Variants in DNAH8 observed in about 807,000 individuals in gnomAD.
DNAH8 encodes dynein axonemal heavy chain 8.
DNAH8 carries 382 observed loss-of-function variants against 562.1 expected under a neutral mutation model. The observed-to-expected ratio is 0.68, with a 90% CI of 0.63 to 0.74. DNAH8 has a LOEUF of 0.74. Among genes scored for constraint, DNAH8 ranks in the 30% least tolerant of loss-of-function variants. The pLI, the probability that DNAH8 is intolerant of heterozygous loss-of-function variation, is 0.00. For missense variants in DNAH8, 5,203 were observed against 5,620.4 expected, an observed-to-expected ratio of 0.93 and a Z score of 2.37; for synonymous variants, 1,881 against 1,919.4, an observed-to-expected ratio of 0.98 and a Z score of 0.52.
In DNAH8 at chr6:38,951,802, C is replaced by T. The variant is rs375249299; in HGVS notation, c.12451+282C>T. ...ATAGCTGTATTGCATGGATAGCTGA[C>T]TAACAAGAATGAACACACAATAGCC... On this transcript the variant is annotated intron_variant, in intron 82 of 92. Transcript: ENST00000327475. 1.1e-4 allele frequency among the ~76,000 whole-genome samples: 17 copies of T among 151,928 alleles called. No individual in the cohort carries two copies. The East Asian group carries it at 3.1e-3, about 28-fold the overall frequency.
At position 38,863,924 on chromosome 6, in the gene DNAH8, A is replaced by G. The variant is rs1377053927; in HGVS notation, c.6362A>G (p.Glu2121Gly). 2 of 1,611,874 alleles carry G rather than the reference A, an allele frequency of 1.2e-6. No homozygotes were observed. Among genetic ancestry groups the G allele is most frequent in the East Asian group, 2.2e-5 (1 of 44,856 alleles). Residue 2121 changes from glutamate (E) to glycine (G), a missense_variant, in exon 45 of 93, where the codon GAA (glutamate) becomes GGA (glycine). Physicochemically the swap from Glu to Gly is moderately conservative, Grantham distance 98 (BLOSUM62 -2). Around this residue, in one of 6 missense-constraint regions of DNAH8, gnomAD observed 2,176 missense variants for 2,365.1 expected, o/e 0.92. Coordinates refer to ENST00000327475, the MANE Select transcript of DNAH8 (RefSeq NM_001206927.2). ...TGTTTTGATGAGTTTAACAGAATTG[A>G]ATTGCCTGTATTATCAGTGGCAGCA... ...WGCFDEFNRI[E>G]LPVLSVAAQQ...
intron 65 of DNAH8, 51 bp from the exon 66 acceptor site, chr6:38,911,417 A>G: frequency 1.5e-6 from 2 of 1,310,184 alleles, no homozygotes; most frequent in Non-Finnish European, 2.2e-6. Context: ...GTGTCGTTTT[A>G]TGGGAGTACG....
chr6:38,795,307 C>T (rs557715817), intron 21 of DNAH8, among the ~76,000 whole-genome samples: 26 of 152,232 alleles, frequency 1.7e-4, no homozygotes, highest in Admixed American at 1.2e-3. Context: ...TTGCTGGGCA[C>T]GGTGGCTCAC....
chr6:38,963,253 CTTTTTTTTTTTTTTTTTT>C lies in DNAH8; in HGVS notation c.12452-8329_12452-8312del, dbSNP rs57083753. Among the ~76,000 whole-genome samples the C allele has an allele frequency of 1.1e-4, 11 of 102,616 alleles. 1 individual carries two copies. The highest frequency in any genetic ancestry group is 9.7e-4 in the East Asian group (3 of 3,090). The allele number at this position is 102,616 out of a possible 152,430, so 67.3% of individuals were successfully genotyped here. A position where few individuals can be genotyped will look rare whatever the true frequency, so the allele number is the denominator to read the frequency against. On this transcript the variant is annotated intron_variant, in intron 82 of 92. Transcript: ENST00000327475. ...GTGGGAGACACTGGGAGTCCTTTTTCTTTTTTTTTTTTTTTTTTTTTTTTTTTGTAAAGGACATATCAT... is the reference window on the plus strand; with the variant it reads ...GTGGGAGACACTGGGAGTCCTTTTTCTTTTTTTTTGTAAAGGACATATCAT...
intron 45 of DNAH8, 137 bp from the exon 46 acceptor site, chr6:38,866,454 T>G (rs1166068756): frequency 1.6e-6 from 1 of 627,968 alleles, no homozygotes; most frequent in African/African-American, 1.8e-5. Flanking sequence ...CATATTGTTT[T>G]GAGAAAACAA....
At position 38,949,538 on chromosome 6, in the gene DNAH8, A is replaced by G; in HGVS notation, c.12216A>G (p.Ser4072=). The part of the protein sequence containing the change: ...EEIIPDGYND[S]LDTCHKLLLI... ...TTATCCCTGATGGATATAATGATTC[A>G]CTAGATACCTGCCATAAACTTTTAC... is the stretch of plus-strand genomic sequence containing the variant. Residue 4072 remains serine, a synonymous_variant, in exon 81 of 93, where the codon TCA becomes TCG. Coordinates refer to ENST00000327475, the MANE Select transcript of DNAH8 (RefSeq NM_001206927.2). The G allele has an allele frequency of 6.2e-7, 1 of 1,610,452 alleles. No individual in the cohort carries two copies.
At position 39,030,644 on chromosome 6, in the gene DNAH8, C is replaced by T. The variant is rs948831510; in HGVS notation, c.*252C>T. 3.0e-5 allele frequency: 12 copies of T among 400,466 alleles called. No homozygotes were observed. The highest frequency in any genetic ancestry group is 1.3e-5 in the Non-Finnish European group (3 of 223,194). 24.8% of individuals were successfully genotyped at this position (400,466 alleles called of 1,614,324 possible). A position where few individuals can be genotyped will look rare whatever the true frequency, so the allele number is the denominator to read the frequency against. On this transcript the variant is annotated 3_prime_UTR_variant, in exon 93 of 93. Coordinates refer to ENST00000327475, the MANE Select transcript of DNAH8 (RefSeq NM_001206927.2). ...CTATAATTACTTTTTAAAGATAAAACCCTGTTTGGATGTTAGAACACTTTG... is the reference window on the plus strand; with the variant it reads ...CTATAATTACTTTTTAAAGATAAAATCCTGTTTGGATGTTAGAACACTTTG...
Position 38,857,574 on chromosome 6 carries a change from T to G in DNAH8, c.5790T>G (p.Arg1930=). The G allele has an allele frequency of 2.5e-6, 4 of 1,613,968 alleles. No individual in the cohort carries two copies. Among genetic ancestry groups the G allele is most frequent in the Non-Finnish European group, 3.4e-6 (4 of 1,179,910 alleles). Residue 1930 remains arginine (R), a synonymous_variant, in exon 42 of 93, where the codon CGT becomes CGG. Coordinates refer to ENST00000327475, the MANE Select transcript of DNAH8 (RefSeq NM_001206927.2). ...CACACGATTCAGAAGAGGCTTTACG[T>G]AATGCAAAAGATGACAGGAAAATCA... ...LWTHDSEEAL[R]NAKDDRKIMQ... is the part of the protein sequence containing the mutation.
chr6:38,903,781 T>G (rs1253200734), intron 62 of DNAH8, among the ~76,000 whole-genome samples: 1 of 151,932 alleles, frequency 6.6e-6, no homozygotes, highest in African/African-American at 2.4e-5. Context: ...CTGGCTCATT[T>G]TTGTATTTTT....
chr6:38,866,165 G>T (rs1287979550), intron 45 of DNAH8, among the ~76,000 whole-genome samples: 1 of 152,080 alleles, frequency 6.6e-6, no homozygotes, highest in Non-Finnish European at 1.5e-5. Flanking sequence ...TAATTGAAGA[G>T]ATGGAATAAA....
rs531060304 is a variant in DNAH8, at chr6:38,948,283, C to T, written c.12130-1169C>T. 2.0e-5 allele frequency among the ~76,000 whole-genome samples: 3 copies of T among 152,048 alleles called. No homozygotes were observed. The South Asian group carries it at 6.3e-4, about 32-fold the overall frequency. ...GGCATAGGGCATCTGCTATGTGAGC[C>T]TTTGCTATTTGCTATTACTGCTTAC... On this transcript the variant is annotated intron_variant, in intron 80 of 92. Coordinates refer to ENST00000327475, the MANE Select transcript of DNAH8 (RefSeq NM_001206927.2).
intron 76 of DNAH8, among the ~76,000 whole-genome samples, chr6:38,932,665 G>C (rs1329507795): frequency 6.6e-6 from 1 of 152,220 alleles, no homozygotes; most frequent in South Asian, 2.1e-4. Flanking sequence ...TAGAATTAAA[G>C]ATTCAAGACA....
chr6:38,927,558 A>G (rs1041804423), intron 74 of DNAH8, among the ~76,000 whole-genome samples: 10 of 152,264 alleles, frequency 6.6e-5, no homozygotes, highest in Admixed American at 2.6e-4. Context: ...GGGGTGCACA[A>G]ATGTGGTATA....
chr6:38,915,052 T>G (rs1561856252), intron 67 of DNAH8, 149 bp from the exon 68 acceptor site: 1 of 619,310 alleles, frequency 1.6e-6, no homozygotes, highest in Non-Finnish European at 2.5e-6. Flanking sequence ...TTTACTTTAA[T>G]ATACCTTAAA....
intron 80 of DNAH8, among the ~76,000 whole-genome samples, chr6:38,946,359 A>G (rs1761427015): frequency 6.6e-6 from 1 of 152,310 alleles, no homozygotes; most frequent in South Asian, 2.1e-4. Flanking sequence ...GTTTAGTGGC[A>G]TTTCTGAAAC....
rs2150554624 is a variant in DNAH8, at chr6:38,921,242, A to G, written c.10525-127A>G. 3.7e-6 allele frequency: 4 copies of G among 1,089,120 alleles called. No homozygotes were observed. In the South Asian group the frequency reaches 6.8e-5, roughly 18 times the overall value. 67.5% of individuals were successfully genotyped at this position (1,089,120 alleles called of 1,614,324 possible). A position where few individuals can be genotyped will look rare whatever the true frequency, so the allele number is the denominator to read the frequency against. On this transcript the variant is annotated intron_variant, in intron 70 of 92. Transcript: ENST00000327475. ...CAAGACGCTTTGCTTTCCCAGCTGAAGACACGGAAACAGATGTGCTCGAAA... is the reference window on the plus strand; with the variant it reads ...CAAGACGCTTTGCTTTCCCAGCTGAGGACACGGAAACAGATGTGCTCGAAA...
chr6:38,954,928 A>T (rs1762147792), intron 82 of DNAH8, among the ~76,000 whole-genome samples: 2 of 152,212 alleles, frequency 1.3e-5, no homozygotes, highest in African/African-American at 4.8e-5. Flanking sequence ...AAGGACTCTC[A>T]TATGCTATAT....
chr6:38,767,710 T>C (rs947410587), intron 11 of DNAH8, among the ~76,000 whole-genome samples: 10 of 152,236 alleles, frequency 6.6e-5, no homozygotes, highest in African/African-American at 2.4e-4. Context: ...GATGCACATT[T>C]GGTTTGTTAC....
intron 77 of DNAH8, among the ~76,000 whole-genome samples, chr6:38,937,071 G>A (rs1783032812): frequency 6.6e-6 from 1 of 152,184 alleles, no homozygotes; most frequent in South Asian, 2.1e-4. Context: ...GGATGAAACT[G>A]GAAACCATCA....
Sources: gnomAD v4.1 joint callset for allele counts (sites outside exome capture counted in the v4.1 genomes callset) on GRCh38, gnomAD v4.1.1 for gene constraint, gnomAD v4.1.1 regional missense constraint, MANE v1.5 for transcripts, NCBI Gene and HGNC (gene_info 2026-07-23, HGNC 2026-07-21) for gene names.